HAUS1: variants seen among roughly 807,000 people sequenced by gnomAD.
HAUS1 encodes HAUS augmin like complex subunit 1, also known as HAUS augmin-like complex subunit 1.
In HAUS1, 25 loss-of-function variants were observed where a neutral mutation model predicts 38.6. The ratio of observed to expected loss-of-function variants is 0.65; its 90% confidence interval spans 0.47 to 0.91. The LOEUF is 0.91. Among genes scored for constraint, HAUS1 ranks in the 40% least tolerant of loss-of-function variants. The probability of loss-of-function intolerance (pLI) is 0.00; values close to 1 mark genes in which losing one functional copy is unlikely to be tolerated. For missense variants in HAUS1, 325 were observed against 328.4 expected (o/e 0.99, Z 0.08); for synonymous variants, 109 against 112.9 (o/e 0.97, Z 0.22).
At chr18:46,114,649 A>C (rs1911755803) in intron 2 of HAUS1, among the ~76,000 whole-genome samples, 1 of 152,168 alleles carries the variant, frequency 6.6e-6, no homozygotes, top group South Asian at 2.1e-4. Flanking sequence ...ACGCAGTAGC[A>C]GATAGCTAGT....
rs1911889807 is a variant in HAUS1 at position 46,119,915 on chromosome 18, T to G, written c.342-11T>G. 1 of 1,574,902 alleles carries G rather than the reference T, an allele frequency of 6.3e-7. No individual in the cohort carries two copies. Among genetic ancestry groups the G allele is most frequent in the African/African-American group, 1.4e-5 (1 of 72,556 alleles). On this transcript the variant is annotated splice_polypyrimidine_tract_variant and intron_variant, in intron 3 of 8. Coordinates refer to ENST00000282058, the MANE Select transcript of HAUS1 (RefSeq NM_138443.4). The stretch of plus-strand genomic sequence containing the variant: ...ATTAAGCCCATGTATATGACCAGAT[T>G]CTTCTTTTAGTTTTATCCCTGCAGT...
chr18:46,105,438 C>T, intron 2 of HAUS1, 70 bp downstream of exon 2: 1 of 1,332,316 alleles, frequency 7.5e-7, no homozygotes, highest in South Asian at 1.4e-5. Flanking sequence ...CTAAAGTATA[C>T]AGGATTAATT....
intron 2 of HAUS1, among the ~76,000 whole-genome samples, chr18:46,110,617 C>T (rs1406703490): frequency 6.6e-6 from 1 of 152,010 alleles, no homozygotes; most frequent in African/African-American, 2.4e-5. Context: ...GCTGGGATTA[C>T]AGGCGTGAGT....
intron 1 of HAUS1, among the ~76,000 whole-genome samples, chr18:46,104,697 C>T (rs148967080): frequency 1.6e-4 from 25 of 152,236 alleles, no homozygotes; most frequent in Middle Eastern, 3.4e-3. Context: ...TGTCCACAGA[C>T]TCTGGAGTGG....
At chr18:46,125,559 A>G (rs996908478) in intron 7 of HAUS1, among the ~76,000 whole-genome samples, 185 bp from the exon 8 acceptor site, 2,759 of 151,842 alleles carry the variant, frequency 0.018, 73 homozygotes, top group African/African-American at 0.063. Context: ...AAAAAAAAAA[A>G]AAAGAAAGAA....
At chr18:46,121,274 C>T (rs1481869704) in intron 4 of HAUS1, among the ~76,000 whole-genome samples, 2 of 152,148 alleles carry the variant, frequency 1.3e-5, no homozygotes. Context: ...ACTGTACCCT[C>T]CGCTTCCCGG....
At chr18:46,105,618 G>A (rs938816560) in intron 2 of HAUS1, among the ~76,000 whole-genome samples, 1 of 149,724 alleles carries the variant, frequency 6.7e-6, no homozygotes. Context: ...ATCTTGCTCT[G>A]TCGCCCAGGC....
intron 6 of HAUS1, among the ~76,000 whole-genome samples, chr18:46,123,710 C>G (rs1018430595): frequency 6.6e-6 from 1 of 152,110 alleles, no homozygotes; most frequent in East Asian, 1.9e-4. Context: ...GGTCTCCAAA[C>G]TCCTGTAGTT....
intron 4 of HAUS1, among the ~76,000 whole-genome samples, chr18:46,121,884 C>T (rs1911952580): frequency 6.6e-6 from 1 of 152,114 alleles, no homozygotes; most frequent in Non-Finnish European, 1.5e-5. Flanking sequence ...CTCTGCCACC[C>T]ACACTGGAGT....
intron 2 of HAUS1, among the ~76,000 whole-genome samples, chr18:46,105,573 T>C (rs1254278054): frequency 6.6e-6 from 1 of 150,604 alleles, no homozygotes; most frequent in East Asian, 1.9e-4. Context: ...TGTGTGTGTG[T>C]GTGTGTGTGT....
At chr18:46,127,618 A>T (rs1450101572) in intron 8 of HAUS1, among the ~76,000 whole-genome samples, 1 of 151,050 alleles carries the variant, frequency 6.6e-6, no homozygotes, top group Non-Finnish European at 1.5e-5. Context: ...GAGGTAGAGA[A>T]TTGCTTGAAC....
At chr18:46,123,498 T>C in intron 6 of HAUS1, 134 bp downstream of exon 6, 1 of 643,920 alleles carries the variant, frequency 1.6e-6, no homozygotes, top group Non-Finnish European at 2.8e-6. Flanking sequence ...TACTTTATAT[T>C]CACTGGTATT....
At chr18:46,114,813 G>C (rs1404124105) in intron 2 of HAUS1, among the ~76,000 whole-genome samples, 2 of 152,070 alleles carry the variant, frequency 1.3e-5, no homozygotes, top group African/African-American at 4.8e-5. Context: ...GAGGAGTCTT[G>C]GTTCAAATAC....
intron 2 of HAUS1, among the ~76,000 whole-genome samples, chr18:46,116,433 C>G (rs189523874): frequency 4.6e-5 from 7 of 151,590 alleles, no homozygotes; most frequent in African/African-American, 1.7e-4. Context: ...TGGTGGTGCA[C>G]ACCTGTAGTC....
intron 2 of HAUS1, among the ~76,000 whole-genome samples, chr18:46,109,290 A>G (rs528326553): frequency 6.6e-6 from 1 of 152,248 alleles, no homozygotes; most frequent in South Asian, 2.1e-4. Flanking sequence ...TCACGAGAAC[A>G]GTAAGGGGGA....
At chr18:46,116,704 G>C (rs1010942183) in intron 2 of HAUS1, among the ~76,000 whole-genome samples, 3 of 151,552 alleles carry the variant, frequency 2.0e-5, no homozygotes, top group Non-Finnish European at 4.4e-5. Flanking sequence ...AGTCATCAGA[G>C]AAATTCAAAT....
At chr18:46,124,416 C>CAAAA (rs34364685) in intron 6 of HAUS1, among the ~76,000 whole-genome samples, 1 of 87,616 alleles carries the variant, frequency 1.1e-5, no homozygotes, top group African/African-American at 4.1e-5. Context: ...GACTCTATCT[C>CAAAA]AAAAAAAAAA....
At chr18:46,109,122 G>T (rs542289823) in intron 2 of HAUS1, among the ~76,000 whole-genome samples, 7 of 151,458 alleles carry the variant, frequency 4.6e-5, no homozygotes, top group Non-Finnish European at 1.0e-4. Context: ...ACAGTTCCAC[G>T]TAGCTGAGGA....
chr18:46,125,688 TCCTTGGGTCTGAATTGAGGCAATATAA>T, intron 7 of HAUS1, 29 bp from the exon 8 acceptor site: 2 of 1,211,236 alleles, frequency 1.7e-6, no homozygotes, highest in Non-Finnish European at 2.4e-6. Flanking sequence ...ATTATTTTTC[TCCTTGGGTCTGAATTGAGGCAATATAA>T]CCTTTCCTTG....
Sources: allele counts gnomAD v4.1 joint callset (sites outside exome capture counted in the v4.1 genomes callset), GRCh38; gene constraint gnomAD v4.1.1; transcripts MANE v1.5; gene names NCBI Gene and HGNC (gene_info 2026-07-23, HGNC 2026-07-21).